Variants in TEP1 observed in about 807,000 individuals in gnomAD.
TEP1 encodes telomerase associated protein 1.
A neutral mutation model predicts 306.3 loss-of-function variants in TEP1; 241 were observed. That is an observed-to-expected ratio of 0.79 (90% CI 0.71 to 0.88). The LOEUF is 0.88. Ranked by LOEUF, TEP1 falls within the 40% of genes least tolerant of loss-of-function variation. The pLI is 0.00. For synonymous variants in TEP1, 1,289 were observed against 1,305.5 expected, an observed-to-expected ratio of 0.99 and a Z score of 0.27; for missense variants, 3,051 against 3,276.1, an observed-to-expected ratio of 0.93 and a Z score of 1.68.
chr14:20,395,931 G>A lies in TEP1; in HGVS notation c.1678C>T (p.Arg560Trp), dbSNP rs1187226727. The change falls in exon 11 of 55, where the codon CGG becomes TGG. Residue 560 changes from arginine to tryptophan, a missense_variant. Arg to Trp is a moderately radical substitution (Grantham distance 101, BLOSUM62 -3). Coordinates refer to ENST00000262715, the MANE Select transcript of TEP1 (RefSeq NM_007110.5). ...LQHAKSVIHS[R>W]QFPFRFLNAH... ...TTAAGAAATCTGAATGGAAACTGCCGACTGTGGATCACCGACTTCTAGAAA... is the reference window on the plus strand; with the variant it reads ...TTAAGAAATCTGAATGGAAACTGCCAACTGTGGATCACCGACTTCTAGAAA... 12 of 1,613,980 alleles carry A rather than the reference G, an allele frequency of 7.4e-6. No homozygotes were observed. The highest frequency in any genetic ancestry group is 1.6e-4 in the Middle Eastern group (1 of 6,082).
chr14:20,386,165 C>T lies in TEP1; in HGVS notation c.2892G>A (p.Glu964=). The T allele has an allele frequency of 6.2e-7, 1 of 1,613,842 alleles. No homozygotes were observed. Among genetic ancestry groups the T allele is most frequent in the Non-Finnish European group, 8.5e-7 (1 of 1,179,916 alleles). ...RQLEVCLGEV[E]NAQLFVGILG... The stretch of plus-strand genomic sequence containing the variant: ...GAATCCCCACAAACAGCTGTGCGTT[C>T]TCCACCTCCCCAAGGCACACTTCCA... The change falls in exon 20 of 55, where the codon GAG becomes GAA. Residue 964 remains glutamate, a synonymous_variant. Transcript: ENST00000262715.
Position 20,368,876 on chromosome 14 carries a change from G to A in TEP1, c.7683C>T (p.Leu2561=), listed in dbSNP as rs776411232. ...RKIHSGSVTA[L]HVLPELLVTA... is the part of the protein sequence containing the mutation. ...TCACCAGCAACTCAGGTAGCACATG[G>A]AGGGCTGTGACAGAGCCCGAGTGAA... The change falls in exon 54 of 55, where the codon CTC becomes CTT. Residue 2561 remains leucine (L), a synonymous_variant. Coordinates refer to ENST00000262715, the MANE Select transcript of TEP1 (RefSeq NM_007110.5). The A allele has an allele frequency of 1.2e-6, 2 of 1,613,888 alleles. No individual in the cohort carries two copies. The highest frequency in any genetic ancestry group is 1.6e-4 in the Middle Eastern group (1 of 6,078).
intron 35 of TEP1, 132 bp downstream of exon 35, chr14:20,379,798 G>A (rs1474956020): frequency 8.0e-7 from 1 of 1,252,712 alleles, no homozygotes; most frequent in East Asian, 2.5e-5. Flanking sequence ...CAAGCCCTTT[G>A]AGCTGATGTG....
At position 20,371,503 on chromosome 14, in the gene TEP1, A is replaced by C. The variant is rs1243147642; in HGVS notation, c.7206T>G (p.Ala2402=). 1 of 1,609,064 alleles carries C rather than the reference A, an allele frequency of 6.2e-7. No individual in the cohort carries two copies. Among genetic ancestry groups the C allele is most frequent in the Non-Finnish European group, 8.5e-7 (1 of 1,179,034 alleles). The change falls in exon 50 of 55, where the codon GCT becomes GCG. Residue 2402 remains alanine, a synonymous_variant. Transcript: ENST00000262715. ...TTGGATCTTACCAGATTTCAGATGG[A>C]GCATCCCCTGGCTTCATGCAAAGTA... The part of the protein sequence containing the change: ...LKLLCMKPGD[A]PSEIWSSYTE...
At chr14:20,401,665 A>G in intron 7 of TEP1, 84 bp from the exon 8 acceptor site, 1 of 1,549,492 alleles carries the variant, frequency 6.5e-7, no homozygotes, top group Non-Finnish European at 8.8e-7. Context: ...TTGTAAGACC[A>G]TCCGATCCCT....
In TEP1 at chr14:20,379,099, T is replaced by A. The variant is rs1257016208; in HGVS notation, c.5134A>T (p.Lys1712Ter). 5 of 1,613,832 alleles carry A rather than the reference T, an allele frequency of 3.1e-6. No homozygotes were observed. In the African/African-American group the frequency reaches 6.7e-5, roughly 22 times the overall value. ...CCATCACAGCCACTCACCACAGACT[T>A]CTCCTCCTGCGACAGTGGGTGAGGG... Reference protein sequence around the residue: ...LLDLRTWQEEKSVVSGCDGIS... With the variant: ...LLDLRTWQEE Residue 1712 changes from lysine to a stop codon, truncating the protein, a stop_gained, in exon 36 of 55, where the codon AAG becomes TAG. Coordinates refer to ENST00000262715, the MANE Select transcript of TEP1 (RefSeq NM_007110.5). LOFTEE classifies it high-confidence loss of function.
At chr14:20,372,905 G>T in intron 48 of TEP1, 48 bp from the exon 49 acceptor site, 2 of 1,613,484 alleles carry the variant, frequency 1.2e-6, no homozygotes, top group East Asian at 2.2e-5. Flanking sequence ...GAGCCAGGAT[G>T]CACCATCTTT....
intron 5 of TEP1, 95 bp from the exon 6 acceptor site, chr14:20,403,979 G>C (rs1878968242): frequency 1.8e-5 from 28 of 1,526,876 alleles, no homozygotes; most frequent in Middle Eastern, 1.7e-4. Flanking sequence ...CGAGAGCACA[G>C]AGTAGCGAGC....
At chr14:20,393,379 AC>A (rs1456467822) in intron 12 of TEP1, among the ~76,000 whole-genome samples, 1 of 152,258 alleles carries the variant, frequency 6.6e-6, no homozygotes, top group African/African-American at 2.4e-5. Flanking sequence ...TCTTCCCAGC[AC>A]TATCCAATAG....
At position 20,411,219 on chromosome 14, in the gene TEP1, G is replaced by A. The variant is rs148553668; in HGVS notation, c.-25+2186C>T. Among the ~76,000 whole-genome samples, 548 of 152,160 alleles carry A rather than the reference G, an allele frequency of 3.6e-3. 2 individuals carry two copies. Among genetic ancestry groups the A allele is most frequent in the African/African-American group, 0.013 (519 of 41,510 alleles). On this transcript the variant is annotated intron_variant, in intron 1 of 54. Coordinates refer to ENST00000262715, the MANE Select transcript of TEP1 (RefSeq NM_007110.5). ...GCATCATACACAAAACCCGACTTCC[G>A]GTCACCTCCCAGCATCATCTCTCAC...
intron 49 of TEP1, among the ~76,000 whole-genome samples, chr14:20,372,204 T>G (rs1884879011): frequency 6.6e-6 from 1 of 152,164 alleles, no homozygotes; most frequent in African/African-American, 2.4e-5. Context: ...TACTACATAC[T>G]CTCAACATCT....
In TEP1 at chr14:20,371,545, G is replaced by A. The variant is rs759151434; in HGVS notation, c.7164C>T (p.Ala2388=). Reference sequence around the variant, plus strand: ...TGCAAAGTAACTTCAAATCTGCTTTGGCCAAGATGAGAAAGTGACCATCAG... The same window carrying A: ...TGCAAAGTAACTTCAAATCTGCTTTAGCCAAGATGAGAAAGTGACCATCAG... The part of the protein sequence containing the change: ...WAPDGHFLIL[A]KADLKLLCMK... Residue 2388 remains alanine, a synonymous_variant, in exon 50 of 55, where the codon GCC becomes GCT. Coordinates refer to ENST00000262715, the MANE Select transcript of TEP1 (RefSeq NM_007110.5). The A allele has an allele frequency of 1.4e-5, 22 of 1,608,260 alleles. No homozygotes were observed. The highest frequency in any genetic ancestry group is 3.5e-5 in the Admixed American group (2 of 57,524).
Position 20,381,606 on chromosome 14 carries a change from CGTTTAGCTGCT to C in TEP1, c.4494_4504del (p.Ala1499LeufsTer25). The C allele has an allele frequency of 6.2e-7, 1 of 1,613,964 alleles. No individual in the cohort carries two copies. Among genetic ancestry groups the C allele is most frequent in the African/African-American group, 1.3e-5 (1 of 75,060 alleles). ...TAGCCCTGGCCTCTTCCCATAGCAACGTTTAGCTGCTGTTCTCAGGGGCCCATCAGGGAGGC... is the reference window on the plus strand; with the variant it reads ...TAGCCCTGGCCTCTTCCCATAGCAACGTTCTCAGGGGCCCATCAGGGAGGC... On this transcript the variant is annotated frameshift_variant, in exon 31 of 55. Transcript: ENST00000262715. LOFTEE classifies it high-confidence loss of function. This position sits in a 1 kb window ranked among gnomAD's most constrained non-coding sequence, Gnocchi z 4.0.
At position 20,373,333 on chromosome 14, in the gene TEP1, C is replaced by G. The variant is rs1884970607; in HGVS notation, c.6751G>C (p.Gly2251Arg). The change falls in exon 47 of 55, where the codon GGC becomes CGC. Residue 2251 changes from glycine (G) to arginine (R), a missense_variant. Gly to Arg is a moderately radical substitution (Grantham distance 125). Transcript: ENST00000262715. ...TCCTCAGAGGCGGTCAGCATGAGGC[C>G]TGAGGTTTCTGAAACAGCAGCAGCA... Reference protein sequence around the residue: ...VRAAAVSETSGLMLTASEDGS... With the variant: ...VRAAAVSETSRLMLTASEDGS... The G allele has an allele frequency of 6.2e-7, 1 of 1,614,046 alleles. No individual in the cohort carries two copies. Among genetic ancestry groups the G allele is most frequent in the Non-Finnish European group, 8.5e-7 (1 of 1,180,040 alleles).
At chr14:20,388,706 C>T (rs1273047360) in intron 17 of TEP1, among the ~76,000 whole-genome samples, 1 of 152,134 alleles carries the variant, frequency 6.6e-6, no homozygotes, top group Non-Finnish European at 1.5e-5. Flanking sequence ...ATGGCTGGAG[C>T]TCAGGCAGAC....
chr14:20,368,212 A>C lies in TEP1; in HGVS notation c.*225T>G. 2.6e-6 allele frequency: 1 copy of C among 389,258 alleles called. No individual in the cohort carries two copies. Among genetic ancestry groups the C allele is most frequent in the South Asian group, 6.0e-5 (1 of 16,764 alleles). 24.1% of individuals were successfully genotyped at this position (389,258 alleles called of 1,614,324 possible). Reference sequence around the variant, plus strand: ...GTGGTTCTAGTAAGGATTAATGTTGAATAAGAAGAGACACACATTAGAATG... The same window carrying C: ...GTGGTTCTAGTAAGGATTAATGTTGCATAAGAAGAGACACACATTAGAATG... On this transcript the variant is annotated 3_prime_UTR_variant, in exon 55 of 55. Coordinates refer to ENST00000262715, the MANE Select transcript of TEP1 (RefSeq NM_007110.5).
At chr14:20,376,067 C>T (rs753288715) in intron 42 of TEP1, 37 bp downstream of exon 42, 3 of 1,605,272 alleles carry the variant, frequency 1.9e-6, no homozygotes, top group Non-Finnish European at 1.7e-6. Context: ...ACTAGAGAGG[C>T]TATGGGACCC....
At chr14:20,407,274 C>A (rs1376276601) in intron 2 of TEP1, among the ~76,000 whole-genome samples, 1 of 152,194 alleles carries the variant, frequency 6.6e-6, no homozygotes, top group African/African-American at 2.4e-5. Flanking sequence ...TCAAAAGCAC[C>A]TAACTGACTC....
In TEP1 at chr14:20,384,492, C is replaced by G. The variant is rs763120742; in HGVS notation, c.3238G>C (p.Gly1080Arg). 5 of 1,614,006 alleles carry G rather than the reference C, an allele frequency of 3.1e-6. No individual in the cohort carries two copies. The East Asian group carries it at 6.7e-5, about 22-fold the overall frequency. ...ITCRRYPCEW[G>R]GVAAGRPYVG... ...TAGGGCCGGCCAGCTGCCACACCCC[C>G]CCACTCACAGGGGTATCTGTGGGCA... Residue 1080 changes from glycine to arginine, a missense_variant, in exon 23 of 55, where the codon GGG becomes CGG. Physicochemically the swap from Gly to Arg is moderately radical, Grantham distance 125. Transcript: ENST00000262715.
Sources: allele counts gnomAD v4.1 joint callset (sites outside exome capture counted in the v4.1 genomes callset), GRCh38; gene constraint gnomAD v4.1.1; non-coding constraint Gnocchi (gnomAD v3.1); transcripts MANE v1.5; gene names NCBI Gene and HGNC (gene_info 2026-07-23, HGNC 2026-07-21).